The following ITGAX variants were observed in gnomAD, a reference collection of about 807,000 sequenced individuals.
The protein encoded by ITGAX is integrin alpha-X.
ITGAX carries 99 observed loss-of-function variants against 140.2 expected under a neutral mutation model. The ratio of observed to expected loss-of-function variants is 0.71; its 90% CI spans 0.60 to 0.83. The LOEUF (loss-of-function observed/expected upper bound fraction) is 0.83. Among genes scored for constraint, ITGAX ranks in the 40% least tolerant of loss-of-function variants. ITGAX has a pLI of 0.00. For missense variants in ITGAX, 1,444 were observed against 1,482.0 expected (o/e 0.97, Z 0.42); for synonymous variants, 631 against 600.4 (o/e 1.05, Z -0.75).
At chr16:31,362,579 G>A in intron 11 of ITGAX, 32 bp from the exon 12 acceptor site, 2 of 1,597,346 alleles carry the variant, frequency 1.3e-6, no homozygotes, top group Non-Finnish European at 1.7e-6. Context: ...AGGGGGAATG[G>A]GGGCCTTTGT....
Position 31,380,276 on chromosome 16 carries a change from T to C in ITGAX, c.3071T>C (p.Ile1024Thr). Reference sequence around the variant, plus strand: ...TTTATCTGCCCCCAGGACTGCTCCATTGCTGGCTGCCTGCGGTTCCGCTGT... The same window carrying C: ...TTTATCTGCCCCCAGGACTGCTCCACTGCTGGCTGCCTGCGGTTCCGCTGT... ...IQKNPVLDCSIAGCLRFRCDV... is the reference protein window; with the variant it reads ...IQKNPVLDCSTAGCLRFRCDV... Residue 1024 changes from isoleucine to threonine, a missense_variant, in exon 27 of 30, where the codon ATT becomes ACT. Coordinates refer to ENST00000268296, the MANE Select transcript of ITGAX (RefSeq NM_000887.5). 1 of 1,614,102 alleles carries C rather than the reference T, an allele frequency of 6.2e-7. No homozygotes were observed. Among genetic ancestry groups the C allele is most frequent in the Non-Finnish European group, 8.5e-7 (1 of 1,179,984 alleles).
Position 31,361,078 on chromosome 16 carries a change from C to G in ITGAX, c.877C>G (p.Gln293Glu). The change falls in exon 9 of 30, where the codon CAA (glutamine) becomes GAA (glutamate). Residue 293 changes from glutamine to glutamate, a missense_variant. Coordinates refer to ENST00000268296, the MANE Select transcript of ITGAX (RefSeq NM_000887.5). ...RYAIGVGLAF[Q>E]NRNSWKELND... ...CTGGGGACAGGTTGGATTAGCTTTT[C>G]AAAACAGAAATTCTTGGAAAGAATT... The G allele has an allele frequency of 6.2e-7, 1 of 1,612,392 alleles. No individual in the cohort carries two copies. The highest frequency in any genetic ancestry group is 1.3e-5 in the African/African-American group (1 of 74,922).
intron 14 of ITGAX, among the ~76,000 whole-genome samples, chr16:31,368,311 T>C (rs941742995): frequency 1.6e-4 from 24 of 151,832 alleles, no homozygotes; most frequent in African/African-American, 5.6e-4. Flanking sequence ...CTGGCCTACA[T>C]AGGGAAACCT....
rs1034013964 is a variant in ITGAX, at chr16:31,372,368, C to T, written c.2161-10C>T. ...CTTACCCTCCGCTCCCCGCGACGCCCGTCCCCCAGAGCTGCGTGGAGGACT... is the reference window on the plus strand; with the variant it reads ...CTTACCCTCCGCTCCCCGCGACGCCTGTCCCCCAGAGCTGCGTGGAGGACT... On this transcript the variant is annotated splice_polypyrimidine_tract_variant and intron_variant, in intron 17 of 29. Transcript: ENST00000268296. 104 of 1,592,024 alleles carry T rather than the reference C, an allele frequency of 6.5e-5. No individual in the cohort carries two copies. Among genetic ancestry groups the T allele is most frequent in the African/African-American group, 1.8e-4 (13 of 73,040 alleles).
intron 20 of ITGAX, 133 bp downstream of exon 20, chr16:31,373,523 C>A: frequency 1.2e-6 from 1 of 864,962 alleles, no homozygotes; most frequent in Non-Finnish European, 1.6e-6. Context: ...GGGTGTTCAA[C>A]TTTGGGCATC....
rs1284027141 is a variant in ITGAX at position 31,382,000 on chromosome 16, C to A, written c.*93C>A. On this transcript the variant is annotated 3_prime_UTR_variant, in exon 30 of 30. Coordinates refer to ENST00000268296, the MANE Select transcript of ITGAX (RefSeq NM_000887.5). ...GCCTGACGGGGAGGAACCACTGCACCACCGAGAGAGGCTGGGATGGGCCTG... is the reference window on the plus strand; with the variant it reads ...GCCTGACGGGGAGGAACCACTGCACAACCGAGAGAGGCTGGGATGGGCCTG... 31 of 1,500,848 alleles carry A rather than the reference C, an allele frequency of 2.1e-5. No individual in the cohort carries two copies. The highest frequency in any genetic ancestry group is 1.4e-5 in the African/African-American group (1 of 71,128). The allele number at this position is 1,500,848 out of a possible 1,614,324, so 93.0% of individuals were successfully genotyped here. A position where few individuals can be genotyped will look rare whatever the true frequency, so the allele number is the denominator to read the frequency against.
chr16:31,380,053 G>T lies in ITGAX; in HGVS notation c.3048G>T (p.Lys1016Asn). ...PASDFLAHIQ[K>N]NPVLDCSIAG... is the part of the protein sequence containing the mutation. ...CTGACTTCCTGGCGCACATTCAGAA[G>T]AATCCCGTGCTGGTGAGGAGGGCTC... Residue 1016 changes from lysine (K) to asparagine (N), a missense_variant, in exon 26 of 30, where the codon AAG becomes AAT. By Grantham distance (94) the Lys-to-Asn change is moderately conservative (BLOSUM62 0). Transcript: ENST00000268296. 5 of 1,614,062 alleles carry T rather than the reference G, an allele frequency of 3.1e-6. No individual in the cohort carries two copies. Among genetic ancestry groups the T allele is most frequent in the Non-Finnish European group, 4.2e-6 (5 of 1,179,984 alleles).
At chr16:31,365,360 C>CT (rs2080882596) in intron 14 of ITGAX, among the ~76,000 whole-genome samples, 1 of 152,088 alleles carries the variant, frequency 6.6e-6, no homozygotes, top group African/African-American at 2.4e-5. Context: ...GAGTTGTGTG[C>CT]TATGTGGTCT....
rs2081057096 is a variant in ITGAX at position 31,380,361 on chromosome 16, C to T, written c.3156C>T (p.Ser1052=). The change falls in exon 27 of 30, where the codon AGC becomes AGT. Residue 1052 remains serine, a synonymous_variant. Coordinates refer to ENST00000268296, the MANE Select transcript of ITGAX (RefSeq NM_000887.5). Reference sequence around the variant, plus strand: ...ATTTCACCCTGAAGGGCAACCTCAGCTTTGGCTGGGTCCGCCAGGTGTGTG... The same window carrying T: ...ATTTCACCCTGAAGGGCAACCTCAGTTTTGGCTGGGTCCGCCAGGTGTGTG... The part of the protein sequence containing the change: ...ELDFTLKGNL[S]FGWVRQILQK... 1 of 1,614,178 alleles carries T rather than the reference C, an allele frequency of 6.2e-7. No individual in the cohort carries two copies.
At chr16:31,361,715 T>C (rs1405331363) in intron 9 of ITGAX, 121 bp from the exon 10 acceptor site, 2 of 1,099,614 alleles carry the variant, frequency 1.8e-6, no homozygotes, top group Non-Finnish European at 2.8e-6. Flanking sequence ...GCCTGGTCCC[T>C]GTCACAGGCA....
intron 23 of ITGAX, 38 bp from the exon 24 acceptor site, chr16:31,379,530 T>C: frequency 2.6e-6 from 4 of 1,543,270 alleles, no homozygotes; most frequent in South Asian, 1.2e-5. Context: ...AGATGCCCCA[T>C]GGTAGTTCAC....
rs1597065697 is a variant in ITGAX at position 31,361,386 on chromosome 16, G to A, written c.1012+173G>A. ...CCACTGACGTCCCCCAGCACTGTCA[G>A]AGCTGCCCCAAAGTGGCCCCAGGGA... On this transcript the variant is annotated intron_variant, in intron 9 of 29. Transcript: ENST00000268296. 4 of 793,228 alleles carry A rather than the reference G, an allele frequency of 5.0e-6. No individual in the cohort carries two copies. In the East Asian group the frequency reaches 7.5e-5, roughly 15 times the overall value. The allele number at this position is 793,228 out of a possible 1,614,324, so 49.1% of individuals were successfully genotyped here.
chr16:31,361,227 GAGCTCT>G lies in ITGAX; in HGVS notation c.1012+15_1012+20del, dbSNP rs1313407684. The G allele has an allele frequency of 6.3e-7, 1 of 1,595,038 alleles. No individual in the cohort carries two copies. Among genetic ancestry groups the G allele is most frequent in the Admixed American group, 1.8e-5 (1 of 55,526 alleles). ...TTGCCATTGAGGGTGAGTCTGAAGG[GAGCTCT>G]TCGCTTGGGGAATCCTCAGCCGTTA... On this transcript the variant is annotated intron_variant, in intron 9 of 29. Coordinates refer to ENST00000268296, the MANE Select transcript of ITGAX (RefSeq NM_000887.5).
intron 14 of ITGAX, among the ~76,000 whole-genome samples, chr16:31,368,610 T>A (rs1275810180): frequency 6.6e-6 from 1 of 151,754 alleles, no homozygotes; most frequent in Non-Finnish European, 1.5e-5. Flanking sequence ...TTTATTTTTT[T>A]ATTTTTTATT....
chr16:31,358,263 A>G (rs1016938890), intron 5 of ITGAX: 4 of 152,222 alleles, frequency 2.6e-5, no homozygotes, highest in African/African-American at 7.2e-5. Flanking sequence ...CTAACTTCAC[A>G]CAGGAGGGGA....
chr16:31,372,749 C>A, intron 19 of ITGAX, 79 bp downstream of exon 19: 1 of 1,332,126 alleles, frequency 7.5e-7, no homozygotes, highest in Non-Finnish European at 1.1e-6. Context: ...CTGGCTCTCC[C>A]TAACATTGTC....
chr16:31,380,760 G>T (rs915934310), intron 28 of ITGAX, 136 bp downstream of exon 28: 3 of 1,282,476 alleles, frequency 2.3e-6, no homozygotes, highest in Non-Finnish European at 3.4e-6. Context: ...GTCCCTAAGG[G>T]CACGGGTGCT....
In ITGAX at chr16:31,371,621, C is replaced by T. The variant is rs201548630; in HGVS notation, c.2006-9C>T. ...CCTGTCTCAACGCCGTCCCTGCGAC[C>T]GCCTACAGGTGACCTCCAAAGCTCT... On this transcript the variant is annotated splice_polypyrimidine_tract_variant and intron_variant, in intron 16 of 29. Transcript: ENST00000268296. 1.5e-4 allele frequency: 249 copies of T among 1,613,828 alleles called. No individual in the cohort carries two copies. Among genetic ancestry groups the T allele is most frequent in the Non-Finnish European group, 1.7e-4 (198 of 1,179,840 alleles).
At chr16:31,375,909 A>G (rs957358198) in intron 20 of ITGAX, among the ~76,000 whole-genome samples, 1 of 152,262 alleles carries the variant, frequency 6.6e-6, no homozygotes. Context: ...GCTGTAAAAT[A>G]ACATTTTTGG....
Sources: allele counts gnomAD v4.1 joint callset (sites outside exome capture counted in the v4.1 genomes callset), GRCh38; gene constraint gnomAD v4.1.1; transcripts MANE v1.5; gene names NCBI Gene and HGNC (gene_info 2026-07-23, HGNC 2026-07-21).